CPB2: variants seen among roughly 807,000 people sequenced by gnomAD.
The protein encoded by CPB2 is carboxypeptidase B2, also known as carboxypeptidase B-like protein.
Under a neutral mutation model 57.0 loss-of-function variants are expected in CPB2, and 54 were observed. That is an observed-to-expected ratio of 0.95 (90% CI 0.76 to 1.19). The LOEUF (loss-of-function observed/expected upper bound fraction) is 1.19. Among genes scored for constraint, CPB2 ranks in the 50% most tolerant of loss-of-function variants. The pLI is 0.00. For missense variants in CPB2, 426 were observed against 512.0 expected (o/e 0.83, Z 1.62); for synonymous variants, 189 against 178.1 (o/e 1.06, Z -0.49).
Position 46,053,748 on chromosome 13 carries a change from AT to A in CPB2, c.1137del (p.Lys379AsnfsTer37). On this transcript the variant is annotated frameshift_variant, in exon 11 of 11. Coordinates refer to ENST00000181383, the MANE Select transcript of CPB2 (RefSeq NM_001872.5). LOFTEE classifies it high-confidence loss of function. ...TCTCGAAGTTCAATTGTAAACGAAT[AT>A]TTGATGCCCAAATCATAGATCCAAT... ...GDDWIYDLGIKYSFTIELRDT... is the reference protein window; with the variant it reads ...GDDWIYDLGIXYSFTIELRDT... The A allele has an allele frequency of 6.2e-7, 1 of 1,614,222 alleles. No homozygotes were observed. Among genetic ancestry groups the A allele is most frequent in the South Asian group, 1.1e-5 (1 of 91,086 alleles).
chr13:46,056,540 G>A lies in CPB2; in HGVS notation c.1000-691C>T, dbSNP rs548262831. On this transcript the variant is annotated intron_variant, in intron 9 of 10. Transcript: ENST00000181383. ...GAAAAACTCAAGAGATTTATCAGCG[G>A]ATATTATTTTATGCCATCTCATTGT... is the stretch of plus-strand genomic sequence containing the variant. Among the ~76,000 whole-genome samples the A allele has an allele frequency of 2.2e-3, 340 of 152,204 alleles. 12 individuals carry two copies. In the South Asian group the frequency reaches 0.068, roughly 31 times the overall value.
At chr13:46,082,875 T>A (rs1329578012) in intron 3 of CPB2, among the ~76,000 whole-genome samples, 1 of 152,194 alleles carries the variant, frequency 6.6e-6, no homozygotes, top group Non-Finnish European at 1.5e-5. Context: ...TATGGATTAA[T>A]GTACCTTTGT....
chr13:46,063,823 T>C (rs2044811989), intron 8 of CPB2, among the ~76,000 whole-genome samples: 1 of 152,082 alleles, frequency 6.6e-6, no homozygotes, highest in Admixed American at 6.5e-5. Context: ...TAAGAAATAA[T>C]AAATTCCCAC....
At chr13:46,084,457 C>A in intron 2 of CPB2, 114 bp from the exon 3 acceptor site, 1 of 1,096,206 alleles carries the variant, frequency 9.1e-7, no homozygotes, top group East Asian at 2.5e-5. Flanking sequence ...AGGACACTCC[C>A]TGGTGCTGGT....
chr13:46,074,662 A>C (rs1423262157), intron 5 of CPB2, among the ~76,000 whole-genome samples: 1 of 152,180 alleles, frequency 6.6e-6, no homozygotes, highest in Non-Finnish European at 1.5e-5. Context: ...TGCCTTTAAA[A>C]GTCAGCTACA....
At chr13:46,061,210 A>G (rs935856808) in intron 8 of CPB2, among the ~76,000 whole-genome samples, 5 of 152,220 alleles carry the variant, frequency 3.3e-5, no homozygotes, top group Non-Finnish European at 5.9e-5. Flanking sequence ...TATCATAATA[A>G]AAAATAATTT....
chr13:46,092,104 AGATAT>A (rs2045302128), intron 1 of CPB2, among the ~76,000 whole-genome samples: 1 of 152,200 alleles, frequency 6.6e-6, no homozygotes, highest in African/African-American at 2.4e-5. Context: ...ATATGACGAT[AGATAT>A]ATTTTAAATT....
intron 3 of CPB2, among the ~76,000 whole-genome samples, chr13:46,083,094 C>T (rs2045145474): frequency 6.6e-6 from 1 of 152,010 alleles, no homozygotes; most frequent in Admixed American, 6.6e-5. Flanking sequence ...CATTTGTTAA[C>T]CAGGCAAATA....
At chr13:46,103,128 T>C (rs2045456471) in intron 1 of CPB2, among the ~76,000 whole-genome samples, 1 of 152,234 alleles carries the variant, frequency 6.6e-6, no homozygotes, top group Non-Finnish European at 1.5e-5. Context: ...TTTGAAGAGA[T>C]GTGCTAAAGC....
At chr13:46,099,095 G>T (rs2045402559) in intron 1 of CPB2, 1 of 152,166 alleles carries the variant, frequency 6.6e-6, no homozygotes, top group South Asian at 2.1e-4. Flanking sequence ...TGAGATACTA[G>T]GATTCAATAG....
intron 1 of CPB2, among the ~76,000 whole-genome samples, chr13:46,091,309 T>G (rs1593914840): frequency 6.6e-6 from 1 of 152,214 alleles, no homozygotes; most frequent in Admixed American, 6.5e-5. Flanking sequence ...TAATGTACTT[T>G]TAATACGTTC....
intron 4 of CPB2, among the ~76,000 whole-genome samples, chr13:46,080,253 T>TCC (rs1444153231): frequency 6.6e-6 from 1 of 152,200 alleles, no homozygotes; most frequent in Non-Finnish European, 1.5e-5. Context: ...GATCTCCTGG[T>TCC]GTGAGTCAAT....
intron 2 of CPB2, among the ~76,000 whole-genome samples, chr13:46,087,012 G>A (rs756318101): frequency 3.9e-5 from 6 of 152,246 alleles, no homozygotes; most frequent in Non-Finnish European, 7.3e-5. Flanking sequence ...GTAGGGGAAT[G>A]AGGGTCCTTC....
intron 1 of CPB2, chr13:46,095,004 T>C (rs1406724275): frequency 6.6e-6 from 1 of 152,118 alleles, no homozygotes; most frequent in Non-Finnish European, 1.5e-5. Flanking sequence ...TTTCCTCAGG[T>C]AAGTCTGCAC....
chr13:46,093,379 T>A (rs1043755743), intron 1 of CPB2, among the ~76,000 whole-genome samples: 1 of 152,226 alleles, frequency 6.6e-6, no homozygotes, highest in Admixed American at 6.5e-5. Flanking sequence ...TAGCATAAAC[T>A]ATTAAACCAC....
intron 1 of CPB2, among the ~76,000 whole-genome samples, chr13:46,103,911 G>A (rs530107971): frequency 3.3e-4 from 50 of 152,222 alleles, no homozygotes; most frequent in African/African-American, 1.1e-3. Flanking sequence ...TGACCCCCAC[G>A]TCAATTAAAT....
intron 1 of CPB2, among the ~76,000 whole-genome samples, chr13:46,093,192 C>T (rs2045318327): frequency 3.3e-5 from 5 of 152,092 alleles, no homozygotes; most frequent in African/African-American, 4.8e-5. Flanking sequence ...GGATTACAGG[C>T]GTGAGCCACC....
At chr13:46,063,776 T>C (rs1254968277) in intron 8 of CPB2, among the ~76,000 whole-genome samples, 2 of 152,166 alleles carry the variant, frequency 1.3e-5, no homozygotes, top group Non-Finnish European at 2.9e-5. Context: ...CTTGAATGCA[T>C]AACTCAACAT....
rs969647325 is a variant in CPB2 at position 46,104,926 on chromosome 13, A to T, written c.74+10T>A. On this transcript the variant is annotated intron_variant, in intron 1 of 10. Transcript: ENST00000181383. ...GTGGCCCACCACAGTCTAAGATTCTATTGGGTTACCTCTGAAACGCGAAGA... is the reference window on the plus strand; with the variant it reads ...GTGGCCCACCACAGTCTAAGATTCTTTTGGGTTACCTCTGAAACGCGAAGA... 2.5e-6 allele frequency: 4 copies of T among 1,613,770 alleles called. No individual in the cohort carries two copies. The highest frequency in any genetic ancestry group is 3.4e-6 in the Non-Finnish European group (4 of 1,179,838).
Sources: gnomAD v4.1 joint callset for allele counts (sites outside exome capture counted in the v4.1 genomes callset) on GRCh38, gnomAD v4.1.1 for gene constraint, MANE v1.5 for transcripts, NCBI Gene and HGNC (gene_info 2026-07-23, HGNC 2026-07-21) for gene names.